SNX29: variants seen among roughly 807,000 people sequenced by gnomAD.
The protein encoded by SNX29 is sorting nexin-29.
A neutral mutation model predicts 102.1 loss-of-function variants in SNX29; 78 were observed. The ratio of observed to expected loss-of-function variants is 0.76; its 90% confidence interval spans 0.64 to 0.92. SNX29 has a LOEUF of 0.92. Among genes scored for constraint, SNX29 ranks in the 40% least tolerant of loss-of-function variants. The pLI is 0.00. For synonymous variants in SNX29, 580 were observed against 414.5 expected (o/e 1.40, Z -4.85); for missense variants, 1,280 against 1,061.7 (o/e 1.21, Z -2.86).
At chr16:12,088,256 G>A (rs936691496) in intron 11 of SNX29, 2 of 389,364 alleles carry the variant, frequency 5.1e-6, no homozygotes, top group Non-Finnish European at 1.0e-5. Context: ...GCTGCAGCGG[G>A]ACCGGCTCTG....
At chr16:12,563,886 C>T (rs1196569987) in intron 20 of SNX29, among the ~76,000 whole-genome samples, 2 of 152,226 alleles carry the variant, frequency 1.3e-5, no homozygotes, top group African/African-American at 2.4e-5. Flanking sequence ...GCCCCTTGGG[C>T]CTCTGCCGTC....
chr16:12,121,060 CATTT>C (rs1474137745), intron 11 of SNX29, among the ~76,000 whole-genome samples: 7 of 152,206 alleles, frequency 4.6e-5, no homozygotes, highest in Non-Finnish European at 8.8e-5. Context: ...GTCAGTCATT[CATTT>C]GTTTATCAAT....
At chr16:11,996,183 C>T (rs1046599057) in intron 1 of SNX29, among the ~76,000 whole-genome samples, 3 of 151,988 alleles carry the variant, frequency 2.0e-5, no homozygotes, top group East Asian at 1.9e-4. Context: ...GCAGGAGGAT[C>T]GCTTGAGTCT....
At chr16:12,045,747 C>T (rs528714321) in intron 5 of SNX29, among the ~76,000 whole-genome samples, 4 of 151,784 alleles carry the variant, frequency 2.6e-5, no homozygotes, top group Non-Finnish European at 5.9e-5. Flanking sequence ...CCTCAGCCTC[C>T]CGAGTAGCTG....
At chr16:12,470,068 G>A (rs556686854) in intron 18 of SNX29, among the ~76,000 whole-genome samples, 46 of 152,324 alleles carry the variant, frequency 3.0e-4, no homozygotes, top group East Asian at 1.9e-4. Context: ...AACATTGTGC[G>A]TAACATGTCT....
chr16:12,501,610 T>C (rs757784435), intron 19 of SNX29, among the ~76,000 whole-genome samples: 4 of 150,442 alleles, frequency 2.7e-5, no homozygotes, highest in Admixed American at 2.0e-4. Context: ...TAGTCCCAGC[T>C]ACTTGGGAGG....
At chr16:12,147,504 C>T (rs1329635070) in intron 13 of SNX29, among the ~76,000 whole-genome samples, 1 of 152,058 alleles carries the variant, frequency 6.6e-6, no homozygotes, top group Non-Finnish European at 1.5e-5. Context: ...AGAAAAATAG[C>T]AGAATGGTTT....
intron 19 of SNX29, among the ~76,000 whole-genome samples, chr16:12,488,134 A>G (rs2088342750): frequency 6.6e-6 from 1 of 152,204 alleles, no homozygotes; most frequent in South Asian, 2.1e-4. Context: ...ATTAAAATCC[A>G]GTAAGAAAAA....
chr16:12,268,611 C>A (rs2079003505), intron 14 of SNX29, among the ~76,000 whole-genome samples: 1 of 152,158 alleles, frequency 6.6e-6, no homozygotes, highest in Non-Finnish European at 1.5e-5. Context: ...TAAAGTGTCC[C>A]AAATTTCCTA....
chr16:12,474,394 A>T (rs547431487), intron 18 of SNX29, among the ~76,000 whole-genome samples: 19 of 152,218 alleles, frequency 1.2e-4, no homozygotes, highest in Admixed American at 1.1e-3. Flanking sequence ...CAGACTAGAG[A>T]TACAGATTTT....
chr16:12,520,367 A>G (rs993671798), intron 19 of SNX29, among the ~76,000 whole-genome samples: 4 of 152,202 alleles, frequency 2.6e-5, no homozygotes, highest in Admixed American at 2.6e-4. Context: ...TTTATTTGGA[A>G]GGCTGAAAGT....
chr16:12,125,877 T>C (rs907004265), intron 11 of SNX29, among the ~76,000 whole-genome samples: 3 of 152,108 alleles, frequency 2.0e-5, no homozygotes, highest in Non-Finnish European at 4.4e-5. Flanking sequence ...TTTTCAGCTA[T>C]GAGGTCTGAG....
intron 3 of SNX29, among the ~76,000 whole-genome samples, chr16:12,018,659 A>C (rs2056922394): frequency 6.6e-6 from 1 of 150,838 alleles, no homozygotes; most frequent in Non-Finnish European, 1.5e-5. Flanking sequence ...AGTTTTGTCT[A>C]CCTAAAGTCA....
chr16:12,452,405 G>A (rs1424812186), intron 18 of SNX29, among the ~76,000 whole-genome samples: 3 of 19,642 alleles, frequency 1.5e-4, no homozygotes, highest in South Asian at 7.8e-3. Context: ...CCGTCAAATG[G>A]TAAGTGCTCT....
At chr16:12,312,234 G>T (rs1362669469) in intron 15 of SNX29, among the ~76,000 whole-genome samples, 1 of 152,218 alleles carries the variant, frequency 6.6e-6, no homozygotes, top group Admixed American at 6.5e-5. Context: ...ATGAATGAAT[G>T]TCCCCATCCC....
In SNX29 at chr16:12,572,933, G is replaced by A. The variant is rs758278059; in HGVS notation, c.*4304G>A. ...GGCAGACTTGGAGTGTTTCTTCAAG[G>A]CAGGCATCTGCTTATGAGCAAGGTC... is the stretch of plus-strand genomic sequence containing the variant. On this transcript the variant is annotated 3_prime_UTR_variant, in exon 21 of 21. Coordinates refer to ENST00000566228, the MANE Select transcript of SNX29 (RefSeq NM_032167.5). The A allele has an allele frequency of 2.2e-5, 18 of 834,162 alleles. No individual in the cohort carries two copies. The highest frequency in any genetic ancestry group is 2.4e-5 in the Non-Finnish European group (16 of 669,290). 51.7% of individuals were successfully genotyped at this position (834,162 alleles called of 1,614,324 possible). A position where few individuals can be genotyped will look rare whatever the true frequency, so the allele number is the denominator to read the frequency against.
intron 14 of SNX29, among the ~76,000 whole-genome samples, chr16:12,239,850 T>C (rs933470134): frequency 2.0e-5 from 3 of 151,696 alleles, no homozygotes; most frequent in African/African-American, 7.3e-5. Context: ...TAAAGAAATA[T>C]AAGTCTATTA....
chr16:12,292,220 C>G (rs1445285779), intron 15 of SNX29, among the ~76,000 whole-genome samples: 1 of 152,162 alleles, frequency 6.6e-6, no homozygotes, highest in African/African-American at 2.4e-5. Context: ...CTGGGCGTGT[C>G]AGGTGGCAAC....
intron 8 of SNX29, 119 bp downstream of exon 8, chr16:12,052,341 C>G (rs543918282): frequency 2.0e-5 from 23 of 1,168,594 alleles, no homozygotes; most frequent in East Asian, 1.1e-4. Flanking sequence ...CTCAGCCTCC[C>G]GAGTAGCTGG....
Sources: gnomAD v4.1 joint callset for allele counts (sites outside exome capture counted in the v4.1 genomes callset) on GRCh38, gnomAD v4.1.1 for gene constraint, MANE v1.5 for transcripts, NCBI Gene and HGNC (gene_info 2026-07-23, HGNC 2026-07-21) for gene names.